EXOC1L: variants seen among roughly 807,000 people sequenced by gnomAD.
The protein encoded by EXOC1L is exocyst complex component 1-like.
A neutral mutation model predicts 4.9 loss-of-function variants in EXOC1L; 10 were observed. The ratio of observed to expected loss-of-function variants is 2.02; its 90% CI spans 1.25 to 3.43. The LOEUF (loss-of-function observed/expected upper bound fraction) is 3.43, where lower values mean the gene tolerates loss of function less well. Among genes scored for constraint, EXOC1L ranks in the 30% most tolerant of loss-of-function variants. The pLI, the probability that EXOC1L is intolerant of heterozygous loss-of-function variation, is 0.00. For synonymous variants in EXOC1L, 41 were observed against 20.8 expected, an observed-to-expected ratio of 1.97 and a Z score of -2.63; for missense variants, 114 against 59.4, an observed-to-expected ratio of 1.92 and a Z score of -3.02.
At chr4:55,830,067 T>C (rs990624594) in intron 1 of EXOC1L, among the ~76,000 whole-genome samples, 5 of 152,206 alleles carry the variant, frequency 3.3e-5, no homozygotes, top group Non-Finnish European at 5.9e-5. Flanking sequence ...TTTCAAAATT[T>C]AAGCCCCATC....
chr4:55,834,937 G>A (rs1490596305), intron 2 of EXOC1L, among the ~76,000 whole-genome samples: 1 of 151,824 alleles, frequency 6.6e-6, no homozygotes. Context: ...CACCCAAGCA[G>A]TGTAACTGTA....
At chr4:55,829,706 C>T (rs182013336) in intron 1 of EXOC1L, among the ~76,000 whole-genome samples, 164 of 152,328 alleles carry the variant, frequency 1.1e-3, no homozygotes, top group Non-Finnish European at 1.9e-3. Context: ...CTCAGCTCAA[C>T]TGGCTGTCTT....
intron 1 of EXOC1L, among the ~76,000 whole-genome samples, 154 bp downstream of exon 1, chr4:55,820,301 G>A (rs1363523835): frequency 2.0e-5 from 3 of 151,988 alleles, no homozygotes; most frequent in Non-Finnish European, 4.4e-5. Flanking sequence ...AAGAATTTGG[G>A]TTCTACAGAA....
chr4:55,820,323 G>A (rs1719707371), intron 1 of EXOC1L, among the ~76,000 whole-genome samples, 176 bp downstream of exon 1: 1 of 152,004 alleles, frequency 6.6e-6, no homozygotes, highest in Admixed American at 6.6e-5. Flanking sequence ...TTTTTAGAGT[G>A]TTAAAAATGA....
At chr4:55,826,720 G>A (rs1483041708) in intron 1 of EXOC1L, among the ~76,000 whole-genome samples, 1 of 152,206 alleles carries the variant, frequency 6.6e-6, no homozygotes, top group Non-Finnish European at 1.5e-5. Flanking sequence ...TGTGGATACG[G>A]CCATTTAATT....
intron 1 of EXOC1L, among the ~76,000 whole-genome samples, chr4:55,826,587 T>A (rs1719891899): frequency 6.6e-6 from 1 of 152,260 alleles, no homozygotes; most frequent in South Asian, 2.1e-4. Context: ...ATATGCTCAC[T>A]AAATCATAGT....
chr4:55,832,130 CATT>C (rs985961977), intron 2 of EXOC1L, among the ~76,000 whole-genome samples: 1 of 152,038 alleles, frequency 6.6e-6, no homozygotes, highest in Non-Finnish European at 1.5e-5. Context: ...CTCATACACT[CATT>C]ATGGCATGGG....
intron 1 of EXOC1L, among the ~76,000 whole-genome samples, chr4:55,822,429 C>A (rs1330789886): frequency 6.6e-6 from 1 of 152,182 alleles, no homozygotes; most frequent in Admixed American, 6.5e-5. Flanking sequence ...CGTCCCCTAC[C>A]TAGAACATTA....
intron 1 of EXOC1L, among the ~76,000 whole-genome samples, chr4:55,827,942 AC>A (rs1719926591): frequency 6.6e-6 from 1 of 152,144 alleles, no homozygotes; most frequent in African/African-American, 2.4e-5. Flanking sequence ...GGAGACGGAA[AC>A]TTTTTAGTGC....
chr4:55,834,170 T>C (rs1720104717), intron 2 of EXOC1L, among the ~76,000 whole-genome samples: 2 of 152,034 alleles, frequency 1.3e-5, no homozygotes, highest in South Asian at 4.1e-4. Context: ...GAGAGCAATT[T>C]TGAGCCAAAA....
chr4:55,828,590 G>T (rs1035854612), intron 1 of EXOC1L, among the ~76,000 whole-genome samples: 1 of 152,152 alleles, frequency 6.6e-6, no homozygotes, highest in African/African-American at 2.4e-5. Flanking sequence ...CCAACATTTT[G>T]AGAGGCCGAG....
At chr4:55,824,927 G>A (rs6817951) in intron 1 of EXOC1L, among the ~76,000 whole-genome samples, 6,195 of 152,184 alleles carry the variant, frequency 0.041, 180 homozygotes, top group Admixed American at 0.083. Context: ...CTATTACCTT[G>A]GAGATCTAAA....
At chr4:55,820,215 A>ATT (rs57910283) in intron 1 of EXOC1L, 68 bp downstream of exon 1, 47 of 326,956 alleles carry the variant, frequency 1.4e-4, no homozygotes, top group African/African-American at 2.4e-4. Context: ...GATAGAGGGA[A>ATT]TTTTTTTTTT....
At chr4:55,828,293 TG>T (rs1719934834) in intron 1 of EXOC1L, among the ~76,000 whole-genome samples, 1 of 152,160 alleles carries the variant, frequency 6.6e-6, no homozygotes, top group African/African-American at 2.4e-5. Context: ...CTAGAGAAAC[TG>T]CCCTCATGGA....
chr4:55,833,220 C>T (rs1429819505), intron 2 of EXOC1L, among the ~76,000 whole-genome samples: 1 of 151,630 alleles, frequency 6.6e-6, no homozygotes, highest in Non-Finnish European at 1.5e-5. Context: ...AATATGCTTC[C>T]AAAAGAATAT....
At chr4:55,820,988 G>A (rs1191267974) in intron 1 of EXOC1L, among the ~76,000 whole-genome samples, 1 of 152,128 alleles carries the variant, frequency 6.6e-6, no homozygotes, top group Non-Finnish European at 1.5e-5. Context: ...AGGCGTTTAG[G>A]AGAAAAGAGC....
Position 55,831,460 on chromosome 4 carries a change from A to T in EXOC1L, c.248A>T (p.Asp83Val), listed in dbSNP as rs1037539815. 2 of 689,964 alleles carry T rather than the reference A, an allele frequency of 2.9e-6. No individual in the cohort carries two copies. The highest frequency in any genetic ancestry group is 5.4e-5 in the East Asian group (2 of 37,022). 42.7% of individuals were successfully genotyped at this position (689,964 alleles called of 1,614,324 possible). Residue 83 changes from aspartate to valine, a missense_variant, in exon 2 of 3, where the codon GAT (aspartate) becomes GTT (valine). By Grantham distance (152) the Asp-to-Val change is radical (BLOSUM62 -3). Coordinates refer to ENST00000636125, the MANE Select transcript of EXOC1L (RefSeq NM_001351574.3). ...DLQMIDGKEADTDNPFFDLHF... is the reference protein window; with the variant it reads ...DLQMIDGKEAVTDNPFFDLHF... ...CAGATGATTGATGGAAAAGAAGCAG[A>T]TACTGTAAGTGTTACATTTTATAAG...
In EXOC1L at chr4:55,835,190, G is replaced by GAT. The variant is rs913572471; in HGVS notation, c.253-1886_253-1885dup. On this transcript the variant is annotated intron_variant, in intron 2 of 2. Coordinates refer to ENST00000636125, the MANE Select transcript of EXOC1L (RefSeq NM_001351574.3). ...TTTTTATGGCTGAGTAGTATTCCAT[G>GAT]ATATATATATTATATAAATCATAAT... Among the ~76,000 whole-genome samples the GAT allele has an allele frequency of 4.0e-5, 6 of 150,596 alleles. No individual in the cohort carries two copies. In the South Asian group the frequency reaches 8.4e-4, roughly 21 times the overall value.
chr4:55,828,718 C>T (rs1290569651), intron 1 of EXOC1L, among the ~76,000 whole-genome samples: 1 of 152,140 alleles, frequency 6.6e-6, no homozygotes, highest in African/African-American at 2.4e-5. Flanking sequence ...GTGGTGCATT[C>T]CTGTAGTCCC....
Sources: allele counts gnomAD v4.1 joint callset (sites outside exome capture counted in the v4.1 genomes callset), GRCh38; gene constraint gnomAD v4.1.1; transcripts MANE v1.5; gene names NCBI Gene and HGNC (gene_info 2026-07-23, HGNC 2026-07-21).